ACTR3C: variants seen among roughly 807,000 people sequenced by gnomAD.
ACTR3C encodes the protein actin related protein 3C, also known as actin-related protein 3C.
ACTR3C carries 18 observed loss-of-function variants against 26.3 expected under a neutral mutation model. The ratio of observed to expected loss-of-function variants is 0.68; its 90% CI spans 0.47 to 1.01. The LOEUF is 1.01. Among genes scored for constraint, ACTR3C ranks in the 50% least tolerant of loss-of-function variants. ACTR3C has a pLI of 0.00. For missense variants in ACTR3C, 184 were observed against 250.7 expected, an observed-to-expected ratio of 0.73 and a Z score of 1.80; for synonymous variants, 55 against 94.5, an observed-to-expected ratio of 0.58 and a Z score of 2.42.
the ACTR3C span, among the ~76,000 whole-genome samples, chr7:150,061,503 T>C: frequency 4.0e-5 from 5 of 124,842 alleles, no homozygotes; most frequent in African/African-American, 1.5e-4. Context: ...TCGTAAACTC[T>C]CATCCCATGA....
the ACTR3C span, among the ~76,000 whole-genome samples, chr7:149,953,577 CCAAG>C: frequency 6.6e-6 from 1 of 152,180 alleles, no homozygotes; most frequent in Non-Finnish European, 1.5e-5. Flanking sequence ...CCTTCAAAGA[CCAAG>C]CAGTCCCCAT....
At chr7:150,134,766 T>A in the ACTR3C span, among the ~76,000 whole-genome samples, 5 of 152,260 alleles carry the variant, frequency 3.3e-5, no homozygotes, top group Non-Finnish European at 7.3e-5. Flanking sequence ...TCTCCATATC[T>A]ACCTCTTCTT....
the ACTR3C span, among the ~76,000 whole-genome samples, chr7:150,221,998 C>CA: frequency 2.8e-3 from 222 of 79,772 alleles, 7 homozygotes; most frequent in African/African-American, 5.7e-3. Flanking sequence ...ACTCCGTCTC[C>CA]AAAAAAAAAA....
At chr7:149,942,077 C>T in the ACTR3C span, among the ~76,000 whole-genome samples, 1 of 152,170 alleles carries the variant, frequency 6.6e-6, no homozygotes, top group East Asian at 1.9e-4. Flanking sequence ...TTCGTGAGCT[C>T]GAATACTCCT....
chr7:149,935,663 A>T, the ACTR3C span, among the ~76,000 whole-genome samples: 1 of 121,948 alleles, frequency 8.2e-6, no homozygotes, highest in Non-Finnish European at 1.8e-5. Context: ...CAGCCTCCCA[A>T]AGTGCTGGGA....
At chr7:150,058,712 C>T in the ACTR3C span, among the ~76,000 whole-genome samples, 5 of 152,260 alleles carry the variant, frequency 3.3e-5, no homozygotes, top group African/African-American at 7.2e-5. Context: ...GTCAGGAAAT[C>T]GAGACCATCC....
chr7:150,237,167 G>A, the ACTR3C span, among the ~76,000 whole-genome samples: 3 of 152,204 alleles, frequency 2.0e-5, no homozygotes, highest in East Asian at 1.9e-4. Context: ...GAAGAACTGC[G>A]GAGAGGGACC....
chr7:150,069,691 G>A, the ACTR3C span, among the ~76,000 whole-genome samples: 1 of 152,064 alleles, frequency 6.6e-6, no homozygotes, highest in African/African-American at 2.4e-5. Flanking sequence ...GTAACCAGAT[G>A]GATGCTTACT....
intron 1 of ACTR3C, among the ~76,000 whole-genome samples, chr7:150,321,940 C>T (rs71537956): frequency 3.9e-5 from 6 of 152,146 alleles, no homozygotes; most frequent in Non-Finnish European, 5.9e-5. Context: ...AGCCTGCCCC[C>T]GGGCCAGCCC....
chr7:150,290,572 G>A (rs965435335), intron 3 of ACTR3C, among the ~76,000 whole-genome samples: 12 of 152,104 alleles, frequency 7.9e-5, no homozygotes, highest in Admixed American at 4.6e-4. Context: ...GAAGTGAAAC[G>A]CTGACTTCAT....
chr7:150,209,809 G>A, the ACTR3C span, among the ~76,000 whole-genome samples: 3 of 150,628 alleles, frequency 2.0e-5, no homozygotes, highest in Admixed American at 1.3e-4. Flanking sequence ...CCAGCTACTA[G>A]AGAGGCTGAG....
At chr7:150,001,140 C>T in the ACTR3C span, 1 of 152,226 alleles carries the variant, frequency 6.6e-6, no homozygotes, top group Non-Finnish European at 1.5e-5. Flanking sequence ...TTCTTATCTT[C>T]CCCTCCAAAT....
chr7:150,097,363 C>T, the ACTR3C span, among the ~76,000 whole-genome samples: 3 of 151,626 alleles, frequency 2.0e-5, no homozygotes, highest in African/African-American at 4.9e-5. Context: ...TTCCTTCCAT[C>T]CTGTTATTGG....
At chr7:150,039,779 G>C in the ACTR3C span, among the ~76,000 whole-genome samples, 165 of 115,936 alleles carry the variant, frequency 1.4e-3, 1 homozygote, top group East Asian at 5.6e-3. Context: ...CCAGAGCCAG[G>C]GGGGGAAGAG....
chr7:149,963,535 C>T, the ACTR3C span, among the ~76,000 whole-genome samples: 1 of 152,172 alleles, frequency 6.6e-6, no homozygotes, highest in East Asian at 1.9e-4. Flanking sequence ...ATCTTCCACT[C>T]CCTCAGAATG....
chr7:149,943,096 T>C, the ACTR3C span, among the ~76,000 whole-genome samples: 2 of 151,980 alleles, frequency 1.3e-5, no homozygotes, highest in Non-Finnish European at 2.9e-5. Flanking sequence ...CAGCAAACTA[T>C]GGCCCCGGGG....
chr7:150,099,932 T>C, the ACTR3C span, among the ~76,000 whole-genome samples: 3 of 151,612 alleles, frequency 2.0e-5, no homozygotes, highest in Admixed American at 2.0e-4. Flanking sequence ...ATTGCACAGA[T>C]GAATACGCGA....
the ACTR3C span, among the ~76,000 whole-genome samples, chr7:149,986,248 A>C: frequency 6.6e-6 from 1 of 152,098 alleles, no homozygotes; most frequent in South Asian, 2.1e-4. Context: ...AACATTGCCA[A>C]AGCCTCCATC....
chr7:150,166,464 C>T, the ACTR3C span, among the ~76,000 whole-genome samples: 3 of 150,718 alleles, frequency 2.0e-5, no homozygotes, highest in Admixed American at 6.6e-5. Flanking sequence ...TTTGGGAGGC[C>T]GAGGAGGGTA....
Sources: gnomAD v4.1 joint callset for allele counts (sites outside exome capture counted in the v4.1 genomes callset) on GRCh38, gnomAD v4.1.1 for gene constraint, MANE v1.5 for transcripts, NCBI Gene and HGNC (gene_info 2026-07-23, HGNC 2026-07-21) for gene names.